GATA4: variants seen among roughly 807,000 people sequenced by gnomAD.
GATA4 encodes transcription factor GATA-4.
In GATA4, 7 loss-of-function variants were observed where a neutral mutation model predicts 37.9. That is an observed-to-expected ratio of 0.18 (90% CI 0.11 to 0.35). The LOEUF is 0.35. Among genes scored for constraint, GATA4 ranks in the 10% least tolerant of loss-of-function variants. The probability of loss-of-function intolerance (pLI) is 1.00; values close to 1 mark genes in which losing one functional copy is unlikely to be tolerated. For synonymous variants in GATA4, 372 were observed against 292.6 expected (o/e 1.27, Z -2.77); for missense variants, 647 against 653.0 (o/e 0.99, Z 0.10).
At position 11,709,224 on chromosome 8, in the gene GATA4, C is replaced by T. The variant is rs1188911309; in HGVS notation, c.616+296C>T. On this transcript the variant is annotated intron_variant, in intron 2 of 6. Transcript: ENST00000532059. This position sits in a 1 kb window ranked among gnomAD's most constrained non-coding sequence, Gnocchi z 4.3. ...AGACATCGACCGTGGCCGCGCTGCG[C>T]TGTGGGTGACGCGGGAGGACAGCGG... Among the ~76,000 whole-genome samples the T allele has an allele frequency of 2.0e-5, 3 of 152,334 alleles. No homozygotes were observed. The highest frequency in any genetic ancestry group is 2.9e-5 in the Non-Finnish European group (2 of 68,028).
intron 2 of GATA4, among the ~76,000 whole-genome samples, chr8:11,714,999 T>C (rs1800374761): frequency 6.6e-6 from 1 of 152,164 alleles, no homozygotes; most frequent in Non-Finnish European, 1.5e-5. Flanking sequence ...AATTTCAGCA[T>C]TGCTCGTAAT....
At chr8:11,686,446 G>A (rs962806794) in intron 1 of GATA4, among the ~76,000 whole-genome samples, 1 of 152,128 alleles carries the variant, frequency 6.6e-6, no homozygotes, top group Non-Finnish European at 1.5e-5. Context: ...TTGGTTGGGT[G>A]GGTGTGTTTG....
chr8:11,744,129 G>A (rs1265035154), intron 2 of GATA4, among the ~76,000 whole-genome samples: 1 of 152,156 alleles, frequency 6.6e-6, no homozygotes, highest in Admixed American at 6.6e-5. Context: ...TATAGCCCCA[G>A]TGGTTTAAGA....
chr8:11,758,708 C>T lies in GATA4; in HGVS notation c.*233C>T, dbSNP rs770477079. 8.6e-6 allele frequency: 5 copies of T among 578,916 alleles called. No homozygotes were observed. Among genetic ancestry groups the T allele is most frequent in the South Asian group, 1.9e-5 (1 of 51,426 alleles). 35.9% of individuals were successfully genotyped at this position (578,916 alleles called of 1,614,324 possible). ...GGGAGCCCACCCTTCAGCACGAGCA[C>T]ACTGCATCTCTCCTGTGAGTTGGAG... is the stretch of plus-strand genomic sequence containing the variant. On this transcript the variant is annotated 3_prime_UTR_variant, in exon 7 of 7. Transcript: ENST00000532059.
intron 1 of GATA4, chr8:11,697,490 G>T (rs1799540397): frequency 2.1e-6 from 2 of 931,636 alleles, no homozygotes; most frequent in Admixed American, 6.2e-5. Context: ...GGGGAGCAGC[G>T]CTCTCGGTGG....
At position 11,756,935 on chromosome 8, in the gene GATA4, C is replaced by G. The variant is rs1386958242; in HGVS notation, c.1001C>G (p.Ala334Gly). The change falls in exon 6 of 7, where the codon GCT becomes GGT. Residue 334 changes from alanine (A) to glycine (G), a missense_variant and splice_region_variant. By Grantham distance (60) the Ala-to-Gly change is moderately conservative (BLOSUM62 0). Around this residue, in one of 5 missense-constraint regions of GATA4, gnomAD observed 184 missense variants for 157.1 expected, o/e 1.17. Coordinates refer to ENST00000532059, the MANE Select transcript of GATA4 (RefSeq NM_001308093.3). The stretch of plus-strand genomic sequence containing the variant: ...GTGTGCTGACTCTGCTTCATTCCAG[C>G]TCCTTCAGGCAGTGAGAGCCTTCCT... ...KNLNKSKTPA[A>G]PSGSESLPPA... 2 of 1,614,256 alleles carry G rather than the reference C, an allele frequency of 1.2e-6. No homozygotes were observed.
At chr8:11,700,519 C>T (rs1001061858), upstream of GATA4, 1 of 152,314 alleles carries the variant, frequency 6.6e-6, no homozygotes, top group African/African-American at 2.4e-5. Context: ...AGGGACGCAT[C>T]CTGCTCTGCA....
chr8:11,677,982 T>C (rs957281536), intron 1 of GATA4, among the ~76,000 whole-genome samples: 6 of 151,250 alleles, frequency 4.0e-5, no homozygotes, highest in Admixed American at 2.0e-4. Context: ...GCCTTAAATC[T>C]GATTTGTAGC....
Position 11,758,933 on chromosome 8 carries a change from T to A in GATA4, c.*458T>A, listed in dbSNP as rs1802746612. The stretch of plus-strand genomic sequence containing the variant: ...CCCCTGGGGACAGGCCCTTGCCCCA[T>A]CCATCCGCTTGAGGCATGGCACCGC... On this transcript the variant is annotated 3_prime_UTR_variant, in exon 7 of 7. Coordinates refer to ENST00000532059, the MANE Select transcript of GATA4 (RefSeq NM_001308093.3). 2 of 269,844 alleles carry A rather than the reference T, an allele frequency of 7.4e-6. No homozygotes were observed. The highest frequency in any genetic ancestry group is 9.7e-5 in the Admixed American group (2 of 20,694). 16.7% of individuals were successfully genotyped at this position (269,844 alleles called of 1,614,324 possible).
rs1799952204 is a variant in GATA4, at chr8:11,707,647, C to G, written c.-457-209C>G. ...GAAGCCCCTGGTCCCTGGGGCGCCT[C>G]TCCCCAGGCTTGCCTGGGCCGCCTG... On this transcript the variant is annotated intron_variant, in intron 1 of 6. Coordinates refer to ENST00000532059, the MANE Select transcript of GATA4 (RefSeq NM_001308093.3). The surrounding 1 kb of genome is among the most constrained non-coding windows in gnomAD (Gnocchi z 4.7). 6.6e-6 allele frequency among the ~76,000 whole-genome samples: 1 copy of G among 152,198 alleles called. No homozygotes were observed. Among genetic ancestry groups the G allele is most frequent in the African/African-American group, 2.4e-5 (1 of 41,446 alleles).
chr8:11,687,846 A>G (rs1799188996), upstream of GATA4, among the ~76,000 whole-genome samples: 1 of 152,170 alleles, frequency 6.6e-6, no homozygotes, highest in Admixed American at 6.5e-5. Context: ...AGGCTCCTAG[A>G]ACTGATCAAG....
At chr8:11,705,036 G>A (rs990003901) in intron 1 of GATA4, among the ~76,000 whole-genome samples, 3 of 152,240 alleles carry the variant, frequency 2.0e-5, no homozygotes, top group Non-Finnish European at 4.4e-5. Flanking sequence ...ATGTCGCTTG[G>A]CTTTGGGCTC....
chr8:11,693,334 C>T (rs1799386516), intron 1 of GATA4, among the ~76,000 whole-genome samples: 1 of 152,064 alleles, frequency 6.6e-6, no homozygotes, highest in Middle Eastern at 3.4e-3. Flanking sequence ...CGTCGTGGCG[C>T]GCGCCTGTGG....
At chr8:11,683,164 G>C in intron 1 of GATA4, 1 of 964,904 alleles carries the variant, frequency 1.0e-6, no homozygotes, top group Non-Finnish European at 1.2e-6. Context: ...GGAGGGGCTC[G>C]CTATCTAATC....
chr8:11,719,054 CATCA>C (rs1489319619), intron 2 of GATA4, among the ~76,000 whole-genome samples: 2 of 152,308 alleles, frequency 1.3e-5, no homozygotes, highest in East Asian at 3.9e-4. Flanking sequence ...AAAAAGAGTT[CATCA>C]ATTGAGCTGG....
intron 2 of GATA4, among the ~76,000 whole-genome samples, chr8:11,718,452 T>G (rs956196210): frequency 4.6e-5 from 7 of 152,362 alleles, no homozygotes; most frequent in Admixed American, 6.5e-5. Context: ...TCTGTGTGTT[T>G]AAAGTCATTG....
At chr8:11,744,310 G>A (rs1309988715) in intron 2 of GATA4, among the ~76,000 whole-genome samples, 1 of 152,224 alleles carries the variant, frequency 6.6e-6, no homozygotes, top group East Asian at 1.9e-4. Flanking sequence ...GCACTTTACA[G>A]CCATTGTTGT....
chr8:11,737,605 C>A (rs899605672), intron 2 of GATA4, among the ~76,000 whole-genome samples: 1 of 152,212 alleles, frequency 6.6e-6, no homozygotes, highest in Non-Finnish European at 1.5e-5. Context: ...TTCCCTGGGG[C>A]TGAGGCTGGG....
intron 1 of GATA4, among the ~76,000 whole-genome samples, chr8:11,684,627 A>T (rs910384781): frequency 6.6e-6 from 1 of 152,206 alleles, no homozygotes; most frequent in Non-Finnish European, 1.5e-5. Context: ...TTCTTGGTCA[A>T]ATTACTTAAC....
Sources: gnomAD v4.1 joint callset for allele counts (sites outside exome capture counted in the v4.1 genomes callset) on GRCh38, gnomAD v4.1.1 for gene constraint, gnomAD v4.1.1 regional missense constraint, Gnocchi (gnomAD v3.1) non-coding constraint, MANE v1.5 for transcripts, NCBI Gene and HGNC (gene_info 2026-07-23, HGNC 2026-07-21) for gene names.